The following SORCS3 variants were observed in gnomAD, a reference collection of about 807,000 sequenced individuals.
The protein encoded by SORCS3 is sortilin related VPS10 domain containing receptor 3, also known as VPS10 domain-containing receptor SorCS3.
SORCS3 carries 57 observed loss-of-function variants against 146.3 expected under a neutral mutation model. The ratio of observed to expected loss-of-function variants is 0.39; its 90% confidence interval spans 0.31 to 0.49. SORCS3 has a LOEUF of 0.49. Ranked by LOEUF, SORCS3 falls within the 20% of genes least tolerant of loss-of-function variation. The probability of loss-of-function intolerance (pLI) is 0.92; values close to 1 mark genes in which losing one functional copy is unlikely to be tolerated. For synonymous variants in SORCS3, 653 were observed against 618.5 expected, an observed-to-expected ratio of 1.06 and a Z score of -0.83; for missense variants, 1,341 against 1,575.5, an observed-to-expected ratio of 0.85 and a Z score of 2.52.
intron 20 of SORCS3, among the ~76,000 whole-genome samples, chr10:105,227,821 AT>A (rs775430550): frequency 9.4e-5 from 14 of 149,202 alleles, no homozygotes; most frequent in Admixed American, 2.7e-4. Flanking sequence ...TTTGTTTTTT[AT>A]TTTTTTTTAC....
chr10:104,835,124 T>G (rs2018052550), intron 1 of SORCS3, among the ~76,000 whole-genome samples: 1 of 152,150 alleles, frequency 6.6e-6, no homozygotes. Flanking sequence ...ACCCAGTTGG[T>G]GTCCAGACAT....
chr10:105,097,067 A>G lies in SORCS3; in HGVS notation c.1093+7228A>G, dbSNP rs7898211. On this transcript the variant is annotated intron_variant, in intron 6 of 26. Transcript: ENST00000369701. Reference sequence around the variant, plus strand: ...TAGACTGAAGGAGCCCCAGAGAAGCAGCACAGAGCATGGCTTTTTCAGTTG... The same window carrying G: ...TAGACTGAAGGAGCCCCAGAGAAGCGGCACAGAGCATGGCTTTTTCAGTTG... 6.1e-3 allele frequency among the ~76,000 whole-genome samples: 929 copies of G among 152,324 alleles called. 7 individuals carry two copies. The highest frequency in any genetic ancestry group is 0.021 in the African/African-American group (866 of 41,562).
intron 3 of SORCS3, among the ~76,000 whole-genome samples, chr10:104,927,120 T>C (rs2019156720): frequency 6.6e-6 from 1 of 152,234 alleles, no homozygotes; most frequent in South Asian, 2.1e-4. Context: ...TATGTGTGTA[T>C]ATGTGCATCT....
At chr10:105,159,310 G>A in intron 11 of SORCS3, among the ~76,000 whole-genome samples, 1 of 152,176 alleles carries the variant, frequency 6.6e-6, no homozygotes, top group Non-Finnish European at 1.5e-5. Flanking sequence ...CACACTTTAA[G>A]AAAACATGAT....
intron 1 of SORCS3, among the ~76,000 whole-genome samples, chr10:104,786,579 T>TAATAATAATAATAA (rs1237928956): frequency 2.7e-5 from 4 of 146,428 alleles, no homozygotes; most frequent in African/African-American, 1.0e-4. Context: ...ATAATAATAG[T>TAATAATAATAATAA]GATGATGATG....
At chr10:105,023,943 G>A (rs917148797) in intron 4 of SORCS3, among the ~76,000 whole-genome samples, 2 of 152,122 alleles carry the variant, frequency 1.3e-5, no homozygotes, top group Non-Finnish European at 2.9e-5. Flanking sequence ...GGAAACAGGA[G>A]GGCAAGATCA....
intron 5 of SORCS3, among the ~76,000 whole-genome samples, chr10:105,056,296 G>T (rs1392760927): frequency 3.3e-5 from 5 of 152,178 alleles, no homozygotes; most frequent in African/African-American, 1.2e-4. Context: ...ATGTTGACCA[G>T]ATCCCTGGTT....
intron 4 of SORCS3, among the ~76,000 whole-genome samples, chr10:105,008,602 G>T (rs1015598459): frequency 6.6e-6 from 1 of 152,166 alleles, no homozygotes; most frequent in Non-Finnish European, 1.5e-5. Flanking sequence ...AAACTATAAT[G>T]AAAGGTAGTT....
chr10:105,120,949 A>G (rs1308980432), intron 7 of SORCS3, among the ~76,000 whole-genome samples: 1 of 152,100 alleles, frequency 6.6e-6, no homozygotes, highest in Non-Finnish European at 1.5e-5. Flanking sequence ...TGTGCAGTTC[A>G]TTTTGCAAGA....
chr10:105,169,990 G>T (rs1464592335), intron 13 of SORCS3, among the ~76,000 whole-genome samples: 1 of 152,134 alleles, frequency 6.6e-6, no homozygotes, highest in Admixed American at 6.6e-5. Context: ...CTTGATTGTG[G>T]TAGGGACCTA....
At chr10:104,709,269 T>A (rs1163477615) in intron 1 of SORCS3, among the ~76,000 whole-genome samples, 2 of 152,168 alleles carry the variant, frequency 1.3e-5, no homozygotes, top group East Asian at 3.9e-4. Flanking sequence ...AATTCATTCA[T>A]CTCCTGGAGA....
intron 5 of SORCS3, among the ~76,000 whole-genome samples, chr10:105,063,708 T>C (rs2055503342): frequency 6.6e-6 from 1 of 152,208 alleles, no homozygotes; most frequent in African/African-American, 2.4e-5. Flanking sequence ...ATTTGCACCT[T>C]CACACTTGGA....
intron 3 of SORCS3, among the ~76,000 whole-genome samples, chr10:104,920,601 G>T (rs1410238990): frequency 6.6e-6 from 1 of 152,214 alleles, no homozygotes; most frequent in Middle Eastern, 3.4e-3. Flanking sequence ...TGCTATAAAT[G>T]GTAGATCTAC....
chr10:104,726,681 A>T (rs2133449870), intron 1 of SORCS3, among the ~76,000 whole-genome samples: 1 of 152,112 alleles, frequency 6.6e-6, no homozygotes, highest in South Asian at 2.1e-4. Context: ...AATCTTCAAT[A>T]GCTCTCTGTT....
In SORCS3 at chr10:105,264,273, T is replaced by C. The variant is rs2056978751; in HGVS notation, c.*899T>C. ...AAGAAGAGGCCCACTAGAGGCTTCA[T>C]ACTGAGACCCAGATGGGGGAAAACA... On this transcript the variant is annotated 3_prime_UTR_variant, in exon 27 of 27. Coordinates refer to ENST00000369701, the MANE Select transcript of SORCS3 (RefSeq NM_014978.3). 6.6e-6 allele frequency: 1 copy of C among 151,836 alleles called. No homozygotes were observed. Among genetic ancestry groups the C allele is most frequent in the African/African-American group, 2.4e-5 (1 of 41,366 alleles). 9.4% of individuals were successfully genotyped at this position (151,836 alleles called of 1,614,324 possible).
intron 1 of SORCS3, among the ~76,000 whole-genome samples, chr10:104,825,984 T>C (rs1230338905): frequency 6.6e-6 from 1 of 152,204 alleles, no homozygotes; most frequent in Non-Finnish European, 1.5e-5. Context: ...AGTACTTTCT[T>C]AACAATGGCC....
At chr10:104,946,736 A>G (rs2019375223) in intron 3 of SORCS3, among the ~76,000 whole-genome samples, 1 of 152,124 alleles carries the variant, frequency 6.6e-6, no homozygotes, top group Non-Finnish European at 1.5e-5. Context: ...TTAACTGAAC[A>G]TTATCTTTCT....
chr10:105,140,225 C>T (rs1166023634), intron 8 of SORCS3, among the ~76,000 whole-genome samples: 4 of 152,108 alleles, frequency 2.6e-5, no homozygotes, highest in East Asian at 1.9e-4. Context: ...TACTAAGGAA[C>T]ATATTATGAA....
intron 20 of SORCS3, among the ~76,000 whole-genome samples, chr10:105,227,180 T>A (rs2119680412): frequency 6.6e-6 from 1 of 152,102 alleles, no homozygotes; most frequent in South Asian, 2.1e-4. Context: ...CTGATGTAGG[T>A]AATTATTGCT....
Sources: allele counts gnomAD v4.1 joint callset (sites outside exome capture counted in the v4.1 genomes callset), GRCh38; gene constraint gnomAD v4.1.1; transcripts MANE v1.5; gene names NCBI Gene and HGNC (gene_info 2026-07-23, HGNC 2026-07-21).